Variants in KIF2A observed in about 807,000 individuals in gnomAD.
KIF2A encodes the protein kinesin-like protein KIF2A.
Under a neutral mutation model 100.2 loss-of-function variants are expected in KIF2A, and 22 were observed. That is an observed-to-expected ratio of 0.22 (90% confidence interval 0.16 to 0.31). KIF2A has a LOEUF of 0.31. Ranked by LOEUF, KIF2A falls within the 10% of genes least tolerant of loss-of-function variation. KIF2A has a pLI of 1.00. For synonymous variants in KIF2A, 268 were observed against 285.9 expected (o/e 0.94, Z 0.63); for missense variants, 495 against 898.7 (o/e 0.55, Z 5.74).
chr5:62,351,860 A>G (rs1221681876), intron 4 of KIF2A, among the ~76,000 whole-genome samples: 1 of 152,124 alleles, frequency 6.6e-6, no homozygotes, highest in African/African-American at 2.4e-5. Flanking sequence ...AAGGCATGTA[A>G]AATTTATATT....
intron 18 of KIF2A, among the ~76,000 whole-genome samples, chr5:62,374,892 A>G (rs1321754297): frequency 6.6e-6 from 1 of 152,176 alleles, no homozygotes; most frequent in Non-Finnish European, 1.5e-5. Context: ...CCACCACTGC[A>G]CTCCAGTCTG....
chr5:62,319,815 CTTTAAG>C (rs751690701), intron 1 of KIF2A, among the ~76,000 whole-genome samples: 4 of 152,126 alleles, frequency 2.6e-5, no homozygotes, highest in African/African-American at 7.2e-5. Flanking sequence ...GTAATTTTCT[CTTTAAG>C]TTTAATTGCC....
At chr5:62,329,876 T>C (rs970769470) in intron 1 of KIF2A, among the ~76,000 whole-genome samples, 3 of 152,262 alleles carry the variant, frequency 2.0e-5, no homozygotes, top group Admixed American at 1.3e-4. Flanking sequence ...GAATTGTATC[T>C]GTTTTAAAAG....
chr5:62,378,751 C>T lies in KIF2A; in HGVS notation c.2013+989C>T, dbSNP rs145345485. Among the ~76,000 whole-genome samples, 1,080 of 152,016 alleles carry T rather than the reference C, an allele frequency of 7.1e-3. 14 individuals carry two copies. Among genetic ancestry groups the T allele is most frequent in the African/African-American group, 0.023 (933 of 41,434 alleles). ...TGGGCAACATGGTGAAACCCTGTCT[C>T]TACAAAAAATACAAAAATTAGCTGG... On this transcript the variant is annotated intron_variant, in intron 19 of 20. Coordinates refer to ENST00000407818, the MANE Select transcript of KIF2A (RefSeq NM_001098511.3).
At chr5:62,334,555 C>T (rs1446440584) in intron 1 of KIF2A, among the ~76,000 whole-genome samples, 2 of 148,630 alleles carry the variant, frequency 1.3e-5, no homozygotes, top group South Asian at 2.2e-4. Flanking sequence ...TCCTACTCCT[C>T]CTCTCGTCCT....
chr5:62,366,589 T>C, intron 16 of KIF2A, 108 bp downstream of exon 16: 1 of 644,158 alleles, frequency 1.6e-6, no homozygotes, highest in East Asian at 3.1e-5. Flanking sequence ...CCTAGCACTT[T>C]GGGAGGCCCA....
chr5:62,334,717 G>A (rs1020274943), intron 1 of KIF2A, among the ~76,000 whole-genome samples: 1 of 152,070 alleles, frequency 6.6e-6, no homozygotes, highest in African/African-American at 2.4e-5. Flanking sequence ...AACAGTTTTT[G>A]CCAGTGTCAC....
intron 2 of KIF2A, among the ~76,000 whole-genome samples, 200 bp from the exon 3 acceptor site, chr5:62,347,848 T>C (rs1747655291): frequency 6.6e-6 from 1 of 152,096 alleles, no homozygotes; most frequent in South Asian, 2.1e-4. Context: ...GGTCTCAGAC[T>C]CCTGGGCTCA....
At chr5:62,354,812 A>G (rs1748019006) in intron 6 of KIF2A, among the ~76,000 whole-genome samples, 3 of 152,164 alleles carry the variant, frequency 2.0e-5, no homozygotes. Context: ...TGGTAACATG[A>G]GCATTATTTC....
chr5:62,371,103 C>CA (rs960612955), intron 16 of KIF2A, among the ~76,000 whole-genome samples: 4 of 151,684 alleles, frequency 2.6e-5, no homozygotes, highest in Admixed American at 6.6e-5. Context: ...CTCATCTCTA[C>CA]AAAAAAATAA....
intron 1 of KIF2A, among the ~76,000 whole-genome samples, chr5:62,328,995 C>G (rs1251943887): frequency 6.6e-6 from 1 of 152,102 alleles, no homozygotes; most frequent in African/African-American, 2.4e-5. Flanking sequence ...TTTTTACATC[C>G]CTTTTCAAAA....
intron 11 of KIF2A, 111 bp downstream of exon 11, chr5:62,361,640 G>C (rs1748413663): frequency 1.6e-6 from 1 of 621,156 alleles, no homozygotes; most frequent in South Asian, 2.2e-5. Flanking sequence ...TATATTAACT[G>C]TCTATTATGT....
intron 7 of KIF2A, among the ~76,000 whole-genome samples, chr5:62,357,066 C>A (rs1175718332): frequency 2.1e-5 from 3 of 143,122 alleles, no homozygotes; most frequent in Non-Finnish European, 4.6e-5. Context: ...GATTACCCAC[C>A]ATGCCTGGCA....
chr5:62,385,337 C>A, intron 20 of KIF2A, 147 bp from the exon 21 acceptor site: 1 of 567,566 alleles, frequency 1.8e-6, no homozygotes, highest in African/African-American at 1.9e-5. Context: ...CTATTTAGTT[C>A]CGAGTTTCTA....
intron 14 of KIF2A, among the ~76,000 whole-genome samples, chr5:62,364,226 CA>C (rs1362320715): frequency 2.0e-5 from 3 of 151,954 alleles, no homozygotes; most frequent in Non-Finnish European, 4.4e-5. Flanking sequence ...CGGCTCACCG[CA>C]ACCTCCACCT....
At chr5:62,367,795 ATT>A (rs1741146572) in intron 16 of KIF2A, among the ~76,000 whole-genome samples, 2 of 151,896 alleles carry the variant, frequency 1.3e-5, no homozygotes, top group South Asian at 2.1e-4. Context: ...GAGTGACTTT[ATT>A]TACCACTGCT....
Position 62,388,997 on chromosome 5 carries a change from GT to G in KIF2A, c.*3432del, listed in dbSNP as rs1285189429. The G allele has an allele frequency of 6.2e-7, 1 of 1,603,574 alleles. No homozygotes were observed. Among genetic ancestry groups the G allele is most frequent in the Non-Finnish European group, 8.5e-7 (1 of 1,176,010 alleles). On this transcript the variant is annotated 3_prime_UTR_variant, in exon 21 of 21. Transcript: ENST00000407818. ...TCTTTTCTTGACCTTGAAAATTTCT[GT>G]TTTCCAAATACCTAGGAAAAATGAA...
intron 15 of KIF2A, among the ~76,000 whole-genome samples, chr5:62,366,115 T>G (rs1016607082): frequency 2.7e-5 from 4 of 145,754 alleles, no homozygotes; most frequent in African/African-American, 1.0e-4. Flanking sequence ...AAAAGCTGTT[T>G]AAAAAAAAAA....
chr5:62,378,776 G>A (rs1741651196), intron 19 of KIF2A, among the ~76,000 whole-genome samples: 1 of 151,906 alleles, frequency 6.6e-6, no homozygotes, highest in Admixed American at 6.6e-5. Context: ...AAATTAGCTG[G>A]GTGAGGTATA....
Sources: gnomAD v4.1 joint callset for allele counts (sites outside exome capture counted in the v4.1 genomes callset) on GRCh38, gnomAD v4.1.1 for gene constraint, MANE v1.5 for transcripts, NCBI Gene and HGNC (gene_info 2026-07-23, HGNC 2026-07-21) for gene names.